Variants in TMPRSS4 observed in about 807,000 individuals in gnomAD.
TMPRSS4 encodes the protein transmembrane protease serine 4.
Under a neutral mutation model 56.4 loss-of-function variants are expected in TMPRSS4, and 45 were observed. That is an observed-to-expected ratio of 0.80 (90% CI 0.63 to 1.02). TMPRSS4 has a LOEUF of 1.02. TMPRSS4 is among the 50% of genes least tolerant of loss of function. The pLI, the probability that TMPRSS4 is intolerant of heterozygous loss-of-function variation, is 0.00. For synonymous variants in TMPRSS4, 205 were observed against 211.0 expected, an observed-to-expected ratio of 0.97 and a Z score of 0.25; for missense variants, 546 against 556.7, an observed-to-expected ratio of 0.98 and a Z score of 0.19.
intron 1 of TMPRSS4, among the ~76,000 whole-genome samples, chr11:118,080,422 G>A (rs762348899): frequency 4.6e-5 from 7 of 152,182 alleles, no homozygotes; most frequent in South Asian, 2.1e-4. Context: ...TGCACCTGCC[G>A]AGGTGGAAGC....
At chr11:118,107,571 A>T in intron 5 of TMPRSS4, 4 of 470,012 alleles carry the variant, frequency 8.5e-6, no homozygotes, top group Non-Finnish European at 1.5e-5. Context: ...CTGAGGGTTG[A>T]GTCCTGGGAT....
intron 1 of TMPRSS4, among the ~76,000 whole-genome samples, chr11:118,090,449 T>C (rs1026273460): frequency 5.9e-5 from 9 of 152,108 alleles, no homozygotes; most frequent in African/African-American, 2.2e-4. Context: ...ATAGAATTTT[T>C]TTCCACAACT....
chr11:118,119,370 A>T lies in TMPRSS4; in HGVS notation c.*1457A>T. On this transcript the variant is annotated 3_prime_UTR_variant, in exon 13 of 13. Coordinates refer to ENST00000437212, the MANE Select transcript of TMPRSS4 (RefSeq NM_019894.4). ...TCAAATTGCAGATGGTCTGGAGGAA[A>T]ATTTCCCAAATTTAGAGCCTCAGGA... 1.0e-6 allele frequency: 1 copy of T among 985,262 alleles called. No individual in the cohort carries two copies. The highest frequency in any genetic ancestry group is 5.2e-4 in the Middle Eastern group (1 of 1,914). 61.0% of individuals were successfully genotyped at this position (985,262 alleles called of 1,614,324 possible).
chr11:118,114,798 A>G, intron 9 of TMPRSS4, 31 bp from the exon 10 acceptor site: 1 of 1,557,140 alleles, frequency 6.4e-7, no homozygotes, highest in Non-Finnish European at 8.7e-7. Flanking sequence ...GATGAATAAA[A>G]GATCTCCTTC....
At position 118,117,936 on chromosome 11, in the gene TMPRSS4, T is replaced by G; in HGVS notation, c.*23T>G. On this transcript the variant is annotated 3_prime_UTR_variant, in exon 13 of 13. Coordinates refer to ENST00000437212, the MANE Select transcript of TMPRSS4 (RefSeq NM_019894.4). Reference sequence around the variant, plus strand: ...TAATGCTGCTGCCCCTTTGCAGTGCTGGGAGCCGCTTCCTTCCTGCCCTGC... The same window carrying G: ...TAATGCTGCTGCCCCTTTGCAGTGCGGGGAGCCGCTTCCTTCCTGCCCTGC... The G allele has an allele frequency of 6.2e-7, 1 of 1,612,848 alleles. No homozygotes were observed. The highest frequency in any genetic ancestry group is 2.0e-4 in the Middle Eastern group (1 of 4,990).
rs1793654188 is a variant in TMPRSS4, at chr11:118,113,330, C to G, written c.805C>G (p.Pro269Ala). The G allele has an allele frequency of 6.2e-7, 1 of 1,614,016 alleles. No individual in the cohort carries two copies. The highest frequency in any genetic ancestry group is 1.3e-5 in the African/African-American group (1 of 74,906). The change falls in exon 9 of 13, where the codon CCA becomes GCA. Residue 269 changes from proline (P) to alanine (A), a missense_variant. Physicochemically the swap from Pro to Ala is conservative, Grantham distance 27 (BLOSUM62 -1). Transcript: ENST00000437212. ...AGGCTCAGACAAACTGGGCAGCTTC[C>G]CATCCCTGGCTGTGGCCAAGATCAT... Reference protein sequence around the residue: ...RAGSDKLGSFPSLAVAKIIII... With the variant: ...RAGSDKLGSFASLAVAKIIII...
chr11:118,117,267 C>A (rs756027737), intron 11 of TMPRSS4, 38 bp from the exon 12 acceptor site: 2 of 1,612,116 alleles, frequency 1.2e-6, no homozygotes, highest in South Asian at 1.1e-5. Flanking sequence ...CCCACCTCAC[C>A]TGCCCTCCCC....
intron 3 of TMPRSS4, among the ~76,000 whole-genome samples, chr11:118,101,643 C>G (rs1946729322): frequency 6.6e-6 from 1 of 152,070 alleles, no homozygotes; most frequent in Non-Finnish European, 1.5e-5. Flanking sequence ...CTGGCTAATT[C>G]TTTTTTTAAT....
At chr11:118,099,467 GAAAGAAAGAAAGAA>G (rs1469388012) in intron 3 of TMPRSS4, among the ~76,000 whole-genome samples, 14 of 22,606 alleles carry the variant, frequency 6.2e-4, no homozygotes, top group African/African-American at 1.8e-3. Flanking sequence ...GAGAAAGAAA[GAAAGAAAGAAAGAA>G]AAAGAAAGAA....
In TMPRSS4 at chr11:118,119,197, T is replaced by G. The variant is rs1947705843; in HGVS notation, c.*1284T>G. 6.1e-6 allele frequency: 6 copies of G among 985,152 alleles called. No individual in the cohort carries two copies. The highest frequency in any genetic ancestry group is 7.2e-6 in the Non-Finnish European group (6 of 829,902). 61.0% of individuals were successfully genotyped at this position (985,152 alleles called of 1,614,324 possible). ...TCAGAACTGTGAGTGGAAACTAAGG[T>G]GATGATCTGGGAGCAATACACTAAA... On this transcript the variant is annotated 3_prime_UTR_variant, in exon 13 of 13. Coordinates refer to ENST00000437212, the MANE Select transcript of TMPRSS4 (RefSeq NM_019894.4).
chr11:118,097,521 T>G (rs1041292597), intron 2 of TMPRSS4, among the ~76,000 whole-genome samples: 2 of 152,090 alleles, frequency 1.3e-5, no homozygotes, highest in Non-Finnish European at 1.5e-5. Flanking sequence ...AGGGCAGAAG[T>G]CCCCATGGCA....
chr11:118,121,350 TC>T lies in TMPRSS4; in HGVS notation c.*3438del. 1 of 152,002 alleles carries T rather than the reference TC, an allele frequency of 6.6e-6. No homozygotes were observed. The highest frequency in any genetic ancestry group is 2.1e-4 in the South Asian group (1 of 4,820). The allele number at this position is 152,002 out of a possible 1,614,324, so 9.4% of individuals were successfully genotyped here. ...ACACACTCTGTCTACTTCTTCTTCT[TC>T]TTCTTCTTCTTCTTCTTCTTATTTT... On this transcript the variant is annotated 3_prime_UTR_variant, in exon 13 of 13. Coordinates refer to ENST00000437212, the MANE Select transcript of TMPRSS4 (RefSeq NM_019894.4).
rs778042969 is a variant in TMPRSS4, at chr11:118,094,797, C to T, written c.4-19C>T. The T allele has an allele frequency of 1.2e-6, 2 of 1,608,918 alleles. No individual in the cohort carries two copies. Among genetic ancestry groups the T allele is most frequent in the Non-Finnish European group, 1.7e-6 (2 of 1,177,706 alleles). Reference sequence around the variant, plus strand: ...CTGAGAGGCTCCCTGCCTCAACTCACTGACTGTTTTTCCTTCAATTACAGG... The same window carrying T: ...CTGAGAGGCTCCCTGCCTCAACTCATTGACTGTTTTTCCTTCAATTACAGG... On this transcript the variant is annotated intron_variant, in intron 1 of 12. Transcript: ENST00000437212.
At position 118,118,743 on chromosome 11, in the gene TMPRSS4, T is replaced by C; in HGVS notation, c.*830T>C. 1.0e-6 allele frequency: 1 copy of C among 985,446 alleles called. No homozygotes were observed. Among genetic ancestry groups the C allele is most frequent in the South Asian group, 4.7e-5 (1 of 21,286 alleles). The allele number at this position is 985,446 out of a possible 1,614,324, so 61.0% of individuals were successfully genotyped here. ...CAGGAGCCAGGGATAACCTATGACT[T>C]GGGAAAGAGATGAGTTAGGCAGTCA... On this transcript the variant is annotated 3_prime_UTR_variant, in exon 13 of 13. Transcript: ENST00000437212.
rs1191093199 is a variant in TMPRSS4 at position 118,117,470 on chromosome 11, C to T, written c.1302+16C>T. 6.2e-7 allele frequency: 1 copy of T among 1,604,622 alleles called. No homozygotes were observed. The highest frequency in any genetic ancestry group is 1.3e-5 in the African/African-American group (1 of 74,800). On this transcript the variant is annotated intron_variant, in intron 12 of 12. Coordinates refer to ENST00000437212, the MANE Select transcript of TMPRSS4 (RefSeq NM_019894.4). ...TGTCTGGAAGGTAAGGTACCTTTGC[C>T]CTACCCACTGTGCCTTCCCTCCAGT...
At position 118,077,294 on chromosome 11, in the gene TMPRSS4, A is replaced by T. The variant is rs1412434444; in HGVS notation, c.-9A>T. ...GCTACAGGGAGACCGGGAGGATCAC[A>T]GAGCCAGCATGGTGAGTGTGGGGCC... On this transcript the variant is annotated 5_prime_UTR_variant, in exon 1 of 13. Transcript: ENST00000437212. The T allele has an allele frequency of 6.2e-7, 1 of 1,602,452 alleles. No individual in the cohort carries two copies. Among genetic ancestry groups the T allele is most frequent in the Non-Finnish European group, 8.5e-7 (1 of 1,174,600 alleles).
rs934686819 is a variant in TMPRSS4 at position 118,118,076 on chromosome 11, AC to A, written c.*166del. 25 of 1,469,984 alleles carry A rather than the reference AC, an allele frequency of 1.7e-5. No individual in the cohort carries two copies. Among genetic ancestry groups the A allele is most frequent in the Non-Finnish European group, 2.0e-5 (22 of 1,116,488 alleles). The allele number at this position is 1,469,984 out of a possible 1,614,324, so 91.1% of individuals were successfully genotyped here. On this transcript the variant is annotated 3_prime_UTR_variant, in exon 13 of 13. Coordinates refer to ENST00000437212, the MANE Select transcript of TMPRSS4 (RefSeq NM_019894.4). ...CAAAGGGCCTCAATTCCTATAAGAGACCCTCGCAGCCCAGAGGCGCCCAGAG... is the reference window on the plus strand; with the variant it reads ...CAAAGGGCCTCAATTCCTATAAGAGACCTCGCAGCCCAGAGGCGCCCAGAG...
At chr11:118,103,631 C>T (rs1055524554) in intron 4 of TMPRSS4, among the ~76,000 whole-genome samples, 5 of 152,240 alleles carry the variant, frequency 3.3e-5, no homozygotes, top group African/African-American at 1.2e-4. Flanking sequence ...ATCTGCCCGC[C>T]TCAGCCTCCC....
chr11:118,086,785 T>A (rs571535225), intron 1 of TMPRSS4: 2 of 152,728 alleles, frequency 1.3e-5, no homozygotes, highest in Admixed American at 6.5e-5. Flanking sequence ...GAGAGAGCCC[T>A]GTTGCCAGCG....
Sources: gnomAD v4.1 joint callset for allele counts (sites outside exome capture counted in the v4.1 genomes callset) on GRCh38, gnomAD v4.1.1 for gene constraint, MANE v1.5 for transcripts, NCBI Gene and HGNC (gene_info 2026-07-23, HGNC 2026-07-21) for gene names.